TTC21A: variants seen among roughly 807,000 people sequenced by gnomAD.
The protein encoded by TTC21A is tetratricopeptide repeat protein 21A.
TTC21A carries 128 observed loss-of-function variants against 156.4 expected under a neutral mutation model. That is an observed-to-expected ratio of 0.82 (90% CI 0.71 to 0.95). The LOEUF (loss-of-function observed/expected upper bound fraction) is 0.95. Ranked by LOEUF, TTC21A falls within the 40% of genes least tolerant of loss-of-function variation. TTC21A has a pLI of 0.00. For missense variants in TTC21A, 1,435 were observed against 1,602.3 expected, an observed-to-expected ratio of 0.90 and a Z score of 1.78; for synonymous variants, 587 against 617.1, an observed-to-expected ratio of 0.95 and a Z score of 0.72.
chr3:39,135,411 C>T (rs903959066), intron 22 of TTC21A, among the ~76,000 whole-genome samples: 5 of 152,252 alleles, frequency 3.3e-5, no homozygotes, highest in African/African-American at 1.2e-4. Context: ...GACAGCATGT[C>T]TGTCCCCAAA....
At chr3:39,121,340 A>G (rs916073385) in intron 9 of TTC21A, 151 bp downstream of exon 9, 2 of 659,460 alleles carry the variant, frequency 3.0e-6, no homozygotes, top group Non-Finnish European at 5.2e-6. Flanking sequence ...CTTTCTGGGA[A>G]TCCACAAGTA....
intron 11 of TTC21A, 42 bp downstream of exon 11, chr3:39,125,574 A>C: frequency 7.0e-7 from 1 of 1,435,148 alleles, no homozygotes; most frequent in Non-Finnish European, 9.8e-7. Flanking sequence ...TCTGGAGTAC[A>C]GGTTTGGATG....
chr3:39,125,182 G>T, intron 10 of TTC21A, 22 bp downstream of exon 10: 1 of 1,585,684 alleles, frequency 6.3e-7, no homozygotes, highest in South Asian at 1.1e-5. Context: ...CTGGGGGTAT[G>T]GGTTGCTCCA....
At chr3:39,117,540 C>T (rs1322321644) in intron 6 of TTC21A, among the ~76,000 whole-genome samples, 1 of 152,258 alleles carries the variant, frequency 6.6e-6, no homozygotes, top group African/African-American at 2.4e-5. Context: ...CACCTCCAGT[C>T]TCTGGCACCA....
chr3:39,136,709 A>G (rs540458474), intron 23 of TTC21A, 190 bp from the exon 24 acceptor site: 2 of 970,118 alleles, frequency 2.1e-6, no homozygotes, highest in African/African-American at 1.7e-5. Flanking sequence ...AGGCCAGGTG[A>G]GGGCCACTTG....
chr3:39,130,060 TG>T lies in TTC21A; in HGVS notation c.2136-17del. 2.5e-6 allele frequency: 4 copies of T among 1,613,768 alleles called. No homozygotes were observed. The highest frequency in any genetic ancestry group is 3.4e-6 in the Non-Finnish European group (4 of 1,179,854). On this transcript the variant is annotated intron_variant, in intron 15 of 28. Transcript: ENST00000683103. This position sits in a 1 kb window ranked among gnomAD's most constrained non-coding sequence, Gnocchi z 4.5. ...TGTGTGCGAACCTGGGATAAGCTTT[TG>T]GTTACTCTTGCTTGCAGTGAGCTCT...
chr3:39,125,679 C>T (rs1254247312), intron 11 of TTC21A, 147 bp downstream of exon 11: 1 of 668,586 alleles, frequency 1.5e-6, no homozygotes, highest in African/African-American at 1.8e-5. Flanking sequence ...CAGTGCTCTT[C>T]AAACTTGAAC....
At position 39,130,132 on chromosome 3, in the gene TTC21A, C is replaced by A. The variant is rs1419892637; in HGVS notation, c.2189C>A (p.Ala730Asp). 1 of 1,614,048 alleles carries A rather than the reference C, an allele frequency of 6.2e-7. No individual in the cohort carries two copies. Among genetic ancestry groups the A allele is most frequent in the Admixed American group, 1.7e-5 (1 of 60,014 alleles). ...GPHTSLLLGDALMSILEPEKA... is the reference protein window; with the variant it reads ...GPHTSLLLGDDLMSILEPEKA... ...CACACCAGCCTGCTACTGGGCGATG[C>A]CTTAATGAGCATTCTGGAGGTAAGT... The change falls in exon 16 of 29, where the codon GCC becomes GAC. Residue 730 changes from alanine (A) to aspartate (D), a missense_variant. By Grantham distance (126) the Ala-to-Asp change is moderately radical. Coordinates refer to ENST00000683103, the MANE Select transcript of TTC21A (RefSeq NM_001366900.1). This position sits in a 1 kb window ranked among gnomAD's most constrained non-coding sequence, Gnocchi z 4.5.
chr3:39,124,230 A>T (rs569039760), intron 9 of TTC21A, among the ~76,000 whole-genome samples: 3 of 152,346 alleles, frequency 2.0e-5, no homozygotes, highest in African/African-American at 7.2e-5. Flanking sequence ...GATGTCCTTC[A>T]GTAGGGCAAT....
intron 12 of TTC21A, among the ~76,000 whole-genome samples, chr3:39,127,984 T>C (rs1226277829): frequency 1.3e-5 from 2 of 152,216 alleles, no homozygotes; most frequent in African/African-American, 4.8e-5. Context: ...TTGCTGTTAC[T>C]ACTAGGTTTT....
At chr3:39,131,128 G>C in intron 19 of TTC21A, 33 bp downstream of exon 19, 1 of 1,553,062 alleles carries the variant, frequency 6.4e-7, no homozygotes, top group South Asian at 1.1e-5. Flanking sequence ...CTCTTTATCT[G>C]CCATCTGCTG....
Position 39,130,788 on chromosome 3 carries a change from A to G in TTC21A, c.2407A>G (p.Lys803Glu), listed in dbSNP as rs750604360. The G allele has an allele frequency of 6.2e-7, 1 of 1,614,186 alleles. No homozygotes were observed. Among genetic ancestry groups the G allele is most frequent in the Non-Finnish European group, 8.5e-7 (1 of 1,180,026 alleles). The change falls in exon 18 of 29, where the codon AAG becomes GAG. Residue 803 changes from lysine (K) to glutamate (E), a missense_variant. By Grantham distance (56) the Lys-to-Glu change is moderately conservative. Coordinates refer to ENST00000683103, the MANE Select transcript of TTC21A (RefSeq NM_001366900.1). This position sits in a 1 kb window ranked among gnomAD's most constrained non-coding sequence, Gnocchi z 4.5. ...GGGCAAACTGCTCCTGAAGTTAAAG[A>G]AGGTCAATAAAGCAGAAAAAGTTTT... Reference protein sequence around the residue: ...DLGKLLLKLKKVNKAEKVLKQ... With the variant: ...DLGKLLLKLKEVNKAEKVLKQ...
chr3:39,128,270 C>A, intron 12 of TTC21A, 61 bp from the exon 13 acceptor site: 1 of 1,547,304 alleles, frequency 6.5e-7, no homozygotes, highest in South Asian at 1.2e-5. Flanking sequence ...TCTGCCCTTG[C>A]ATATCAGGTC....
chr3:39,109,972 T>A, intron 2 of TTC21A, 57 bp from the exon 3 acceptor site: 1 of 1,302,282 alleles, frequency 7.7e-7, no homozygotes, highest in Non-Finnish European at 1.1e-6. Flanking sequence ...AGCTACAGAG[T>A]CTCATGTCCT....
Position 39,136,451 on chromosome 3 carries a change from G to A in TTC21A, c.3039G>A (p.Val1013=), listed in dbSNP as rs1380036011. 11 of 1,614,142 alleles carry A rather than the reference G, an allele frequency of 6.8e-6. No individual in the cohort carries two copies. The East Asian group carries it at 1.3e-4, about 20-fold the overall frequency. ...CCTTCTTTGAATTGGCCAAGAAGGT[G>A]TCTAGCCGGGTGCCTTTGGAACCAG... is the stretch of plus-strand genomic sequence containing the variant. The part of the protein sequence containing the change: ...IPAFFELAKK[V]SSRVPLEPGF... Residue 1013 remains valine, a synonymous_variant, in exon 23 of 29, where the codon GTG becomes GTA. Transcript: ENST00000683103.
chr3:39,114,881 A>G, intron 6 of TTC21A, 139 bp downstream of exon 6: 3 of 935,728 alleles, frequency 3.2e-6, no homozygotes, highest in African/African-American at 1.6e-5. Context: ...CCAAATTGGG[A>G]TGAGGAAGAG....
At position 39,128,815 on chromosome 3, in the gene TTC21A, A is replaced by T; in HGVS notation, c.1779A>T (p.Lys593Asn). ...TAAAGACGCTGAAAATGGTCATCAA[A>T]TTGCCAGCTCTGAAGAAGGAAGAAG... ...EAIKTLKMVI[K>N]LPALKKEEGR... Residue 593 changes from lysine to asparagine, a missense_variant, in exon 14 of 29, where the codon AAA (lysine) becomes AAT (asparagine). Physicochemically the swap from Lys to Asn is moderately conservative, Grantham distance 94. Transcript: ENST00000683103. 6.2e-7 allele frequency: 1 copy of T among 1,614,164 alleles called. No individual in the cohort carries two copies.
chr3:39,131,032 G>A lies in TTC21A; in HGVS notation c.2499G>A (p.Leu833=), dbSNP rs1207215779. 1 of 1,613,780 alleles carries A rather than the reference G, an allele frequency of 6.2e-7. No individual in the cohort carries two copies. Among genetic ancestry groups the A allele is most frequent in the Non-Finnish European group, 8.5e-7 (1 of 1,180,014 alleles). Residue 833 remains leucine (L), a synonymous_variant, in exon 19 of 29, where the codon CTG becomes CTA. Coordinates refer to ENST00000683103, the MANE Select transcript of TTC21A (RefSeq NM_001366900.1). The part of the protein sequence containing the change: ...IPSMMNDVKC[L]LLLAKVYKSH... ...CCATGATGAATGATGTTAAGTGCCT[G>A]CTTTTGCTGGCAAAGGTTTACAAGA...
At position 39,130,521 on chromosome 3, in the gene TTC21A, C is replaced by A; in HGVS notation, c.2319+163C>A. ...AAGGGGAGAACTCAGCAACTCTCTGCTGCTGACCACACCTGCTTAAGCTGA... is the reference window on the plus strand; with the variant it reads ...AAGGGGAGAACTCAGCAACTCTCTGATGCTGACCACACCTGCTTAAGCTGA... On this transcript the variant is annotated intron_variant, in intron 17 of 28. Coordinates refer to ENST00000683103, the MANE Select transcript of TTC21A (RefSeq NM_001366900.1). This position sits in a 1 kb window ranked among gnomAD's most constrained non-coding sequence, Gnocchi z 4.5. 3 of 963,880 alleles carry A rather than the reference C, an allele frequency of 3.1e-6. No homozygotes were observed. Among genetic ancestry groups the A allele is most frequent in the Admixed American group, 2.4e-5 (1 of 42,524 alleles). The allele number at this position is 963,880 out of a possible 1,614,324, so 59.7% of individuals were successfully genotyped here.
Sources: allele counts gnomAD v4.1 joint callset (sites outside exome capture counted in the v4.1 genomes callset), GRCh38; gene constraint gnomAD v4.1.1; non-coding constraint Gnocchi (gnomAD v3.1); transcripts MANE v1.5; gene names NCBI Gene and HGNC (gene_info 2026-07-23, HGNC 2026-07-21).